HNF4G: variants seen among roughly 807,000 people sequenced by gnomAD.
HNF4G encodes hepatocyte nuclear factor 4 gamma, also known as hepatocyte nuclear factor 4-gamma.
HNF4G carries 21 observed loss-of-function variants against 50.9 expected under a neutral mutation model. That is an observed-to-expected ratio of 0.41 (90% CI 0.29 to 0.59). The LOEUF (loss-of-function observed/expected upper bound fraction) is 0.59. Among genes scored for constraint, HNF4G ranks in the 20% least tolerant of loss-of-function variants. The pLI is 0.26. For missense variants in HNF4G, 527 were observed against 559.4 expected (o/e 0.94, Z 0.58); for synonymous variants, 198 against 185.6 (o/e 1.07, Z -0.54).
chr8:75,505,722 A>G (rs1813062413), intron 2 of HNF4G, among the ~76,000 whole-genome samples: 1 of 151,882 alleles, frequency 6.6e-6, no homozygotes, highest in African/African-American at 2.4e-5. Flanking sequence ...TTGCAAATAT[A>G]CATATTCGGG....
chr8:75,490,827 G>A (rs1052131727), intron 2 of HNF4G, among the ~76,000 whole-genome samples: 1 of 152,096 alleles, frequency 6.6e-6, no homozygotes. Flanking sequence ...TTCACTTTTA[G>A]CTAACTGAAA....
intron 2 of HNF4G, among the ~76,000 whole-genome samples, chr8:75,505,772 G>T (rs944276298): frequency 2.0e-5 from 3 of 151,412 alleles, no homozygotes; most frequent in African/African-American, 7.3e-5. Context: ...AAAATCATCT[G>T]AGAAAGAATG....
intron 1 of HNF4G, among the ~76,000 whole-genome samples, chr8:75,438,708 T>C (rs922909260): frequency 1.3e-5 from 2 of 152,120 alleles, no homozygotes; most frequent in African/African-American, 4.8e-5. Flanking sequence ...TATGTTATGC[T>C]TTCAAAAGTA....
chr8:75,521,041 G>T (rs1235874167), intron 2 of HNF4G, among the ~76,000 whole-genome samples: 1 of 151,900 alleles, frequency 6.6e-6, no homozygotes, highest in Non-Finnish European at 1.5e-5. Flanking sequence ...TGCATTTACT[G>T]TTGCCCAATT....
At chr8:75,474,902 T>A (rs1430531661) in intron 1 of HNF4G, among the ~76,000 whole-genome samples, 4 of 152,114 alleles carry the variant, frequency 2.6e-5, no homozygotes, top group African/African-American at 9.7e-5. Flanking sequence ...GTCACCGTGT[T>A]GGCCAGGATG....
chr8:75,531,499 G>A (rs1806324875), intron 2 of HNF4G, among the ~76,000 whole-genome samples: 1 of 151,990 alleles, frequency 6.6e-6, no homozygotes. Context: ...TGCAGTATGA[G>A]TCCAACTTAC....
chr8:75,437,550 C>A (rs1002713548), intron 1 of HNF4G, among the ~76,000 whole-genome samples: 20 of 152,076 alleles, frequency 1.3e-4, no homozygotes, highest in African/African-American at 4.3e-4. Context: ...AATTTCCAGT[C>A]TTTTATAAAA....
chr8:75,537,838 C>G (rs960182577), upstream of HNF4G, among the ~76,000 whole-genome samples: 2 of 151,308 alleles, frequency 1.3e-5, no homozygotes, highest in Non-Finnish European at 3.0e-5. Flanking sequence ...ACAGTAGCAT[C>G]CATATCCCCC....
intron 2 of HNF4G, among the ~76,000 whole-genome samples, chr8:75,526,105 A>AATTTATTTATTT (rs34542534): frequency 7.6e-4 from 110 of 143,818 alleles, no homozygotes; most frequent in Admixed American, 1.5e-3. Flanking sequence ...TACTTGCTCA[A>AATTTATTTATTT]ATTTATTTAT....
chr8:75,518,684 G>C (rs1339086175), intron 2 of HNF4G, among the ~76,000 whole-genome samples: 1 of 152,102 alleles, frequency 6.6e-6, no homozygotes, highest in Non-Finnish European at 1.5e-5. Context: ...CTGGGACACA[G>C]AGTACCAAGT....
chr8:75,558,820 T>A lies in HNF4G; in HGVS notation c.906T>A (p.Asp302Glu), dbSNP rs779068332. ...FFDPDAKGLS[D>E]PVKIKNMRFQ... Reference sequence around the variant, plus strand: ...TGTTAGATGCAAAAGGGCTAAGCGATCCAGTAAAAATTAAGAACATGAGGT... The same window carrying A: ...TGTTAGATGCAAAAGGGCTAAGCGAACCAGTAAAAATTAAGAACATGAGGT... Residue 302 changes from aspartate (D) to glutamate (E), a missense_variant, in exon 8 of 10, where the codon GAT becomes GAA. Transcript: ENST00000396423. The A allele has an allele frequency of 1.4e-5, 22 of 1,613,852 alleles. No homozygotes were observed. In the East Asian group the frequency reaches 1.6e-4, roughly 11 times the overall value.
rs149237743 is a variant in HNF4G at position 75,514,414 on chromosome 8, G to A, written c.-24+24206G>A. On this transcript the variant is annotated intron_variant, in intron 2 of 10. Transcript: ENST00000354370. ...GTTGTCTAGGTTAGAGTGTAATGGTGCAATCTTGGCTCACTGCAACCTCCA... is the reference window on the plus strand; with the variant it reads ...GTTGTCTAGGTTAGAGTGTAATGGTACAATCTTGGCTCACTGCAACCTCCA... Among the ~76,000 whole-genome samples the A allele has an allele frequency of 5.4e-3, 712 of 132,238 alleles. 3 individuals carry two copies. Among genetic ancestry groups the A allele is most frequent in the African/African-American group, 0.019 (670 of 34,812 alleles). 86.8% of individuals were successfully genotyped at this position (132,238 alleles called of 152,430 possible).
intron 2 of HNF4G, chr8:75,490,277 A>T (rs1199492841): frequency 6.6e-6 from 1 of 152,350 alleles, no homozygotes; most frequent in Admixed American, 6.5e-5. Flanking sequence ...CCTTGTAAAG[A>T]CCTCTTTTCT....
At chr8:75,463,198 G>T (rs149969771) in intron 1 of HNF4G, among the ~76,000 whole-genome samples, 1 of 151,686 alleles carries the variant, frequency 6.6e-6, no homozygotes, top group Non-Finnish European at 1.5e-5. Flanking sequence ...TTGTTTGCTG[G>T]TATAGGTGTA....
chr8:75,566,217 T>A lies in HNF4G; in HGVS notation c.*2121T>A, dbSNP rs1303471635. On this transcript the variant is annotated 3_prime_UTR_variant, in exon 10 of 10. Transcript: ENST00000396423. ...ATGGCATTTTCTAGCTGTGTCCTTA[T>A]ACATAAAAGGAAAAAGGTAGCTCTC... The A allele has an allele frequency of 3.9e-5, 6 of 152,100 alleles. No individual in the cohort carries two copies. Among genetic ancestry groups the A allele is most frequent in the African/African-American group, 1.4e-4 (6 of 41,432 alleles). The allele number at this position is 152,100 out of a possible 1,614,324, so 9.4% of individuals were successfully genotyped here. A position where few individuals can be genotyped will look rare whatever the true frequency, so the allele number is the denominator to read the frequency against.
intron 1 of HNF4G, among the ~76,000 whole-genome samples, chr8:75,425,579 TATA>T (rs1444799462): frequency 6.8e-6 from 1 of 147,904 alleles, no homozygotes; most frequent in Non-Finnish European, 1.5e-5. Flanking sequence ...ATGTTATATA[TATA>T]ATATTTATAT....
At chr8:75,553,237 C>A (rs770939133) in intron 5 of HNF4G, 40 bp downstream of exon 5, 5 of 1,533,596 alleles carry the variant, frequency 3.3e-6, no homozygotes, top group African/African-American at 1.4e-5. Context: ...AAAAATGCTT[C>A]TTGAACTTTG....
chr8:75,466,699 C>A (rs904102042), intron 1 of HNF4G, among the ~76,000 whole-genome samples: 1 of 129,570 alleles, frequency 7.7e-6, no homozygotes, highest in Non-Finnish European at 1.6e-5. Context: ...CCTTTCTCTT[C>A]TTCTTTCTTT....
At chr8:75,427,428 A>C (rs1341474754) in intron 1 of HNF4G, among the ~76,000 whole-genome samples, 1 of 151,950 alleles carries the variant, frequency 6.6e-6, no homozygotes, top group Non-Finnish European at 1.5e-5. Context: ...AAATACAAAA[A>C]TTAGCCTAGT....
Sources: allele counts gnomAD v4.1 joint callset (sites outside exome capture counted in the v4.1 genomes callset), GRCh38; gene constraint gnomAD v4.1.1; transcripts MANE v1.5; gene names NCBI Gene and HGNC (gene_info 2026-07-23, HGNC 2026-07-21).